SH3PXD2A: variants seen among roughly 807,000 people sequenced by gnomAD.
The protein encoded by SH3PXD2A is SH3 and PX domain-containing protein 2A.
SH3PXD2A carries 32 observed loss-of-function variants against 115.2 expected under a neutral mutation model. The ratio of observed to expected loss-of-function variants is 0.28; its 90% CI spans 0.21 to 0.37. The LOEUF is 0.37. SH3PXD2A is among the 10% of genes least tolerant of loss of function. SH3PXD2A has a pLI of 1.00. For missense variants in SH3PXD2A, 1,328 were observed against 1,498.7 expected (o/e 0.89, Z 1.88); for synonymous variants, 610 against 629.1 (o/e 0.97, Z 0.45).
intron 4 of SH3PXD2A, 55 bp from the exon 5 acceptor site, chr10:103,724,416 A>T (rs1371142852): frequency 1.9e-6 from 2 of 1,068,874 alleles, no homozygotes; most frequent in East Asian, 5.7e-5. Flanking sequence ...GGAACAGGAA[A>T]ACCAAGACAG....
rs2039515067 is a variant in SH3PXD2A, at chr10:103,834,819, G to A, written c.72+20376C>T. Among the ~76,000 whole-genome samples the A allele has an allele frequency of 2.0e-5, 3 of 152,172 alleles. No homozygotes were observed. The South Asian group carries it at 6.2e-4, about 32-fold the overall frequency. On this transcript the variant is annotated intron_variant, in intron 1 of 14. Coordinates refer to ENST00000369774, the MANE Select transcript of SH3PXD2A (RefSeq NM_001394015.1). ...TGCCCAAAGTCACATGGCCGGTGGT[G>A]AACTCCAACTCTCTCAAGCAGCCCT...
intron 10 of SH3PXD2A, 103 bp from the exon 11 acceptor site, chr10:103,617,417 C>T (rs1473096671): frequency 1.3e-6 from 1 of 782,518 alleles, no homozygotes; most frequent in Non-Finnish European, 2.2e-6. Context: ...CAACTGCTTG[C>T]CAAGAAGGTC....
intron 1 of SH3PXD2A, among the ~76,000 whole-genome samples, chr10:103,854,460 C>A (rs1003552043): frequency 6.6e-6 from 1 of 152,150 alleles, no homozygotes; most frequent in African/African-American, 2.4e-5. Flanking sequence ...AACCTTAACC[C>A]CTTCTCATTA....
chr10:103,752,905 G>C (rs556175811), intron 3 of SH3PXD2A, among the ~76,000 whole-genome samples: 1 of 152,136 alleles, frequency 6.6e-6, no homozygotes, highest in East Asian at 1.9e-4. Flanking sequence ...TAGGTGGCTG[G>C]TAGCAGTTGA....
Position 103,627,822 on chromosome 10 carries a change from A to T in SH3PXD2A, c.605-620T>A, listed in dbSNP as rs1469080034. 1.3e-5 allele frequency among the ~76,000 whole-genome samples: 2 copies of T among 152,212 alleles called. No homozygotes were observed. Among genetic ancestry groups the T allele is most frequent in the Non-Finnish European group, 2.9e-5 (2 of 68,038 alleles). On this transcript the variant is annotated intron_variant, in intron 8 of 14. Coordinates refer to ENST00000369774, the MANE Select transcript of SH3PXD2A (RefSeq NM_001394015.1). The surrounding 1 kb of genome is among the most constrained non-coding windows in gnomAD (Gnocchi z 4.4). ...ATTCATCTTATTTGTTCATTCATGC[A>T]AAGTCCTCTGAGCACCCAGGTCTTG...
chr10:103,677,093 G>A (rs1229899056), intron 6 of SH3PXD2A, among the ~76,000 whole-genome samples: 1 of 152,222 alleles, frequency 6.6e-6, no homozygotes, highest in Non-Finnish European at 1.5e-5. Flanking sequence ...AGTGAGTGAT[G>A]GAGTCAATAG....
intron 8 of SH3PXD2A, among the ~76,000 whole-genome samples, chr10:103,637,121 C>T (rs1464208802): frequency 6.6e-6 from 1 of 152,208 alleles, no homozygotes; most frequent in African/African-American, 2.4e-5. Flanking sequence ...CAGTGAACAA[C>T]ACGCATCCGG....
At chr10:103,798,988 C>T (rs1353108984) in intron 2 of SH3PXD2A, among the ~76,000 whole-genome samples, 3 of 152,336 alleles carry the variant, frequency 2.0e-5, no homozygotes, top group South Asian at 2.1e-4. Flanking sequence ...TTGGGAGAAA[C>T]GTGGATTCAC....
chr10:103,675,694 G>T (rs2037522977), intron 6 of SH3PXD2A, among the ~76,000 whole-genome samples: 1 of 152,182 alleles, frequency 6.6e-6, no homozygotes, highest in South Asian at 2.1e-4. Flanking sequence ...GCATTTTCTT[G>T]TTTAATCTTC....
At chr10:103,705,526 A>G (rs2037970635) in intron 5 of SH3PXD2A, among the ~76,000 whole-genome samples, 1 of 152,220 alleles carries the variant, frequency 6.6e-6, no homozygotes, top group Non-Finnish European at 1.5e-5. Flanking sequence ...TGTGTGGCAG[A>G]GTCCCTTACT....
At chr10:103,722,098 G>C (rs2038189276) in intron 5 of SH3PXD2A, among the ~76,000 whole-genome samples, 1 of 152,002 alleles carries the variant, frequency 6.6e-6, no homozygotes, top group Non-Finnish European at 1.5e-5. Flanking sequence ...GAACTCAGGA[G>C]TTCGAGACCA....
intron 2 of SH3PXD2A, among the ~76,000 whole-genome samples, chr10:103,794,430 C>T (rs913220227): frequency 6.6e-6 from 1 of 152,194 alleles, no homozygotes; most frequent in Non-Finnish European, 1.5e-5. Flanking sequence ...AGAGCAATTA[C>T]TGTAGCCCAG....
intron 2 of SH3PXD2A, among the ~76,000 whole-genome samples, chr10:103,773,328 T>C (rs985153275): frequency 6.6e-6 from 1 of 152,020 alleles, no homozygotes; most frequent in Admixed American, 6.6e-5. Flanking sequence ...TCATTCTACT[T>C]AGCTGAGGAC....
intron 1 of SH3PXD2A, among the ~76,000 whole-genome samples, 200 bp downstream of exon 1, chr10:103,854,995 C>CT (rs1554930753): frequency 1.3e-5 from 2 of 152,060 alleles, no homozygotes; most frequent in Admixed American, 1.3e-4. Context: ...AAAAAGAAAC[C>CT]GGGGGGGCGG....
Position 103,661,110 on chromosome 10 carries a change from G to A in SH3PXD2A, c.477C>T (p.Ala159=), listed in dbSNP as rs1477877307. The change falls in exon 8 of 15, where the codon GCC becomes GCT. Residue 159 remains alanine (A), a synonymous_variant. Coordinates refer to ENST00000369774, the MANE Select transcript of SH3PXD2A (RefSeq NM_001394015.1). ...AESPKKDVTG[A]DATAEPMILE... ...GGATCATGGGCTCGGCGGTGGCGTC[G>A]GCACCTGGCGAGGGCAGAAAGCACG... The A allele has an allele frequency of 3.1e-6, 5 of 1,612,760 alleles. No individual in the cohort carries two copies. Among genetic ancestry groups the A allele is most frequent in the East Asian group, 2.2e-5 (1 of 44,806 alleles).
At chr10:103,707,823 G>A (rs866735258) in intron 5 of SH3PXD2A, among the ~76,000 whole-genome samples, 4 of 152,096 alleles carry the variant, frequency 2.6e-5, no homozygotes, top group Non-Finnish European at 5.9e-5. Context: ...CCTAACCATC[G>A]TGAGCTTTTG....
At chr10:103,718,222 G>T (rs887098158) in intron 5 of SH3PXD2A, among the ~76,000 whole-genome samples, 1 of 151,686 alleles carries the variant, frequency 6.6e-6, no homozygotes, top group Non-Finnish European at 1.5e-5. Context: ...TCACTATGTT[G>T]CTCAGGCTGG....
At chr10:103,744,248 G>A (rs1345912641) in intron 3 of SH3PXD2A, among the ~76,000 whole-genome samples, 2 of 151,910 alleles carry the variant, frequency 1.3e-5, no homozygotes, top group African/African-American at 4.8e-5. Flanking sequence ...CCACCTCCCG[G>A]GTTCAAGCGA....
At chr10:103,701,615 TCATC>T (rs1327921608) in intron 5 of SH3PXD2A, among the ~76,000 whole-genome samples, 4 of 126,500 alleles carry the variant, frequency 3.2e-5, no homozygotes, top group Admixed American at 1.5e-4. Context: ...CATCCATCCA[TCATC>T]CATCCATCCA....
Sources: gnomAD v4.1 joint callset for allele counts (sites outside exome capture counted in the v4.1 genomes callset) on GRCh38, gnomAD v4.1.1 for gene constraint, Gnocchi (gnomAD v3.1) non-coding constraint, MANE v1.5 for transcripts, NCBI Gene and HGNC (gene_info 2026-07-23, HGNC 2026-07-21) for gene names.